PIK3CB: variants seen among roughly 807,000 people sequenced by gnomAD.
PIK3CB encodes phosphatidylinositol 4,5-bisphosphate 3-kinase catalytic subunit beta isoform.
Under a neutral mutation model 136.8 loss-of-function variants are expected in PIK3CB, and 39 were observed. That is an observed-to-expected ratio of 0.29 (90% CI 0.22 to 0.37). The LOEUF (loss-of-function observed/expected upper bound fraction) is 0.37, where lower values mean the gene tolerates loss of function less well. Among genes scored for constraint, PIK3CB ranks in the 10% least tolerant of loss-of-function variants. The pLI, the probability that PIK3CB is intolerant of heterozygous loss-of-function variation, is 1.00. For missense variants in PIK3CB, 868 were observed against 1,275.4 expected, an observed-to-expected ratio of 0.68 and a Z score of 4.87; for synonymous variants, 428 against 436.6, an observed-to-expected ratio of 0.98 and a Z score of 0.25.
At chr3:138,777,035 T>C (rs938881719) in intron 2 of PIK3CB, among the ~76,000 whole-genome samples, 1 of 152,164 alleles carries the variant, frequency 6.6e-6, no homozygotes, top group Non-Finnish European at 1.5e-5. Flanking sequence ...CTGGGATGAT[T>C]TTAAAACATG....
intron 8 of PIK3CB, among the ~76,000 whole-genome samples, chr3:138,732,976 A>T (rs1014417404): frequency 6.6e-6 from 1 of 151,672 alleles, no homozygotes; most frequent in South Asian, 2.1e-4. Context: ...CGGGTTGTAC[A>T]TTAGCTCTCT....
At chr3:138,799,315 T>C (rs924582939) in intron 1 of PIK3CB, among the ~76,000 whole-genome samples, 1 of 151,688 alleles carries the variant, frequency 6.6e-6, no homozygotes, top group Non-Finnish European at 1.5e-5. Flanking sequence ...GAGGCTGGGA[T>C]TACAGGTGCC....
intron 20 of PIK3CB, among the ~76,000 whole-genome samples, chr3:138,664,291 G>T (rs2043361391): frequency 6.6e-6 from 1 of 152,196 alleles, no homozygotes; most frequent in African/African-American, 2.4e-5. Context: ...CGGTGGGGCT[G>T]TGAGTAGACT....
intron 1 of PIK3CB, among the ~76,000 whole-genome samples, chr3:138,811,098 G>A (rs372166660): frequency 7.9e-5 from 12 of 151,412 alleles, no homozygotes; most frequent in Admixed American, 2.0e-4. Context: ...ATGGTGGTGC[G>A]TGCCTGTAAT....
chr3:138,741,767 G>C (rs1302012230), intron 5 of PIK3CB, among the ~76,000 whole-genome samples: 1 of 151,860 alleles, frequency 6.6e-6, no homozygotes, highest in African/African-American at 2.4e-5. Context: ...GGCTGAGGTT[G>C]CAGGGAGCCA....
At chr3:138,683,509 A>G (rs563602584) in intron 18 of PIK3CB, among the ~76,000 whole-genome samples, 169 bp downstream of exon 18, 75 of 148,956 alleles carry the variant, frequency 5.0e-4, no homozygotes, top group East Asian at 3.9e-3. Context: ...TAAGAGGGGG[A>G]AAAAAAAAGC....
intron 13 of PIK3CB, among the ~76,000 whole-genome samples, chr3:138,697,379 C>T (rs756415646): frequency 1.3e-5 from 2 of 152,062 alleles, no homozygotes; most frequent in Non-Finnish European, 2.9e-5. Context: ...CAAGTTTAAT[C>T]GAGGTACACA....
intron 21 of PIK3CB, among the ~76,000 whole-genome samples, chr3:138,659,863 CTTCTT>C (rs2043259801): frequency 7.8e-6 from 1 of 128,358 alleles, no homozygotes; most frequent in Non-Finnish European, 1.6e-5. Context: ...CTTCTTTCCT[CTTCTT>C]TTTTTTTTTT....
At chr3:138,678,322 T>C (rs1034433184) in intron 19 of PIK3CB, among the ~76,000 whole-genome samples, 4 of 152,090 alleles carry the variant, frequency 2.6e-5, no homozygotes, top group African/African-American at 9.7e-5. Flanking sequence ...GCTATGATCA[T>C]GCCAGTGCAC....
chr3:138,808,366 T>G (rs962166139), intron 1 of PIK3CB, among the ~76,000 whole-genome samples: 5 of 152,064 alleles, frequency 3.3e-5, no homozygotes, highest in African/African-American at 1.2e-4. Context: ...TGCAGTGGCA[T>G]ACACCTGTAA....
At chr3:138,810,482 C>T (rs1047082112) in intron 1 of PIK3CB, among the ~76,000 whole-genome samples, 1 of 151,892 alleles carries the variant, frequency 6.6e-6, no homozygotes, top group Non-Finnish European at 1.5e-5. Flanking sequence ...AGAAAAATGG[C>T]ACTTTACTTC....
chr3:138,777,785 C>T (rs1457945400), intron 2 of PIK3CB: 1 of 164,796 alleles, frequency 6.1e-6, no homozygotes, highest in East Asian at 1.6e-4. Flanking sequence ...ATTCAACAGC[C>T]ACATCTTCTC....
chr3:138,825,542 A>G, intron 1 of PIK3CB: 1 of 657,972 alleles, frequency 1.5e-6, no homozygotes, highest in Non-Finnish European at 2.7e-6. Flanking sequence ...AACAGTGACA[A>G]CATGCTGAAG....
At chr3:138,748,569 A>C (rs1297143181) in intron 4 of PIK3CB, among the ~76,000 whole-genome samples, 2 of 152,226 alleles carry the variant, frequency 1.3e-5, no homozygotes, top group Non-Finnish European at 1.5e-5. Context: ...AATAATTAAA[A>C]TGTAATCTAA....
chr3:138,716,673 A>G (rs2044611585), intron 8 of PIK3CB, among the ~76,000 whole-genome samples: 1 of 152,044 alleles, frequency 6.6e-6, no homozygotes, highest in Non-Finnish European at 1.5e-5. Flanking sequence ...AGGTGGGTGG[A>G]TCACTTGAGG....
At chr3:138,799,520 G>A (rs1247548229) in intron 1 of PIK3CB, among the ~76,000 whole-genome samples, 1 of 151,928 alleles carries the variant, frequency 6.6e-6, no homozygotes, top group East Asian at 1.9e-4. Context: ...CATATCACTG[G>A]AGTGATCTGC....
At chr3:138,705,172 A>C (rs2044342597) in intron 11 of PIK3CB, among the ~76,000 whole-genome samples, 1 of 87,482 alleles carries the variant, frequency 1.1e-5, no homozygotes, top group Non-Finnish European at 2.1e-5. Flanking sequence ...AAAAAAAAAA[A>C]ACAAAAAACA....
intron 4 of PIK3CB, among the ~76,000 whole-genome samples, chr3:138,753,551 G>T (rs556692429): frequency 6.6e-6 from 1 of 151,228 alleles, no homozygotes; most frequent in South Asian, 2.1e-4. Flanking sequence ...AAATAAAAAG[G>T]CCAGCACAAT....
intron 1 of PIK3CB, among the ~76,000 whole-genome samples, chr3:138,819,280 G>C (rs1255914144): frequency 6.6e-6 from 1 of 151,926 alleles, no homozygotes; most frequent in Non-Finnish European, 1.5e-5. Context: ...CCTGGAGGCG[G>C]AGATGGCAGT....
Sources: gnomAD v4.1 joint callset for allele counts (sites outside exome capture counted in the v4.1 genomes callset) on GRCh38, gnomAD v4.1.1 for gene constraint, MANE v1.5 for transcripts, NCBI Gene and HGNC (gene_info 2026-07-23, HGNC 2026-07-21) for gene names.